IQCK: variants seen among roughly 807,000 people sequenced by gnomAD.
IQCK encodes IQ domain-containing protein K.
In IQCK, 29 loss-of-function variants were observed where a neutral mutation model predicts 28.1. The ratio of observed to expected loss-of-function variants is 1.03; its 90% CI spans 0.77 to 1.41. The LOEUF is 1.41. IQCK is among the 40% of genes most tolerant of loss of function. IQCK has a pLI of 0.00. For missense variants in IQCK, 359 were observed against 314.7 expected (o/e 1.14, Z -1.07); for synonymous variants, 113 against 115.1 (o/e 0.98, Z 0.12).
chr16:19,736,179 A>G (rs1978009389), intron 4 of IQCK: 1 of 455,430 alleles, frequency 2.2e-6, no homozygotes, highest in Admixed American at 2.4e-5. Flanking sequence ...GCTCGCAGAG[A>G]GTCTTGGAAC....
chr16:19,793,649 T>G (rs1180736427), intron 7 of IQCK, among the ~76,000 whole-genome samples: 53 of 115,144 alleles, frequency 4.6e-4, no homozygotes, highest in Non-Finnish European at 6.8e-4. Flanking sequence ...TTGGGTTTTT[T>G]TTTTTTTTTT....
chr16:19,845,565 A>G (rs959139512), intron 9 of IQCK, among the ~76,000 whole-genome samples: 4 of 152,226 alleles, frequency 2.6e-5, no homozygotes, highest in Non-Finnish European at 4.4e-5. Flanking sequence ...TGCAGCACTA[A>G]AACTCCAATC....
intron 1 of IQCK, among the ~76,000 whole-genome samples, chr16:19,729,765 T>C (rs8056030): frequency 0.35 from 50,812 of 146,374 alleles, 13,312 homozygotes; most frequent in African/African-American, 0.74. Flanking sequence ...CTGCCTCAGC[T>C]TCCCGAGTAG....
intron 7 of IQCK, among the ~76,000 whole-genome samples, chr16:19,798,448 C>T (rs2055717833): frequency 1.7e-5 from 2 of 114,842 alleles, no homozygotes; most frequent in Admixed American, 1.5e-4. Context: ...ATATATATTT[C>T]GGTCACTTAC....
chr16:19,741,639 G>A (rs2054836691), intron 4 of IQCK, among the ~76,000 whole-genome samples: 1 of 152,142 alleles, frequency 6.6e-6, no homozygotes, highest in African/African-American at 2.4e-5. Flanking sequence ...GAGCATTAAA[G>A]TTTAAATTGT....
intron 9 of IQCK, among the ~76,000 whole-genome samples, chr16:19,837,122 C>T (rs1004198751): frequency 8.5e-5 from 13 of 152,222 alleles, no homozygotes; most frequent in Non-Finnish European, 1.8e-4. Context: ...TATTGGCAGC[C>T]AGGTGCAGTC....
intron 9 of IQCK, among the ~76,000 whole-genome samples, chr16:19,851,189 C>T (rs1359829360): frequency 1.3e-5 from 2 of 152,158 alleles, no homozygotes; most frequent in African/African-American, 2.4e-5. Context: ...GACTGAGGCC[C>T]TCAGGAAACA....
At chr16:19,809,341 A>G (rs534448500) in intron 7 of IQCK, among the ~76,000 whole-genome samples, 3 of 152,250 alleles carry the variant, frequency 2.0e-5, no homozygotes, top group South Asian at 2.1e-4. Flanking sequence ...TACTGGTCTC[A>G]CCTAGACTCG....
intron 4 of IQCK, among the ~76,000 whole-genome samples, chr16:19,752,439 T>A (rs2054999034): frequency 6.6e-6 from 1 of 152,340 alleles, no homozygotes; most frequent in Non-Finnish European, 1.5e-5. Flanking sequence ...CTGGGGAGTA[T>A]TAAGTATGCA....
At chr16:19,844,346 TG>T (rs1162050814) in intron 9 of IQCK, among the ~76,000 whole-genome samples, 4 of 152,184 alleles carry the variant, frequency 2.6e-5, no homozygotes, top group Non-Finnish European at 5.9e-5. Flanking sequence ...CCCAAAGTGC[TG>T]GGATTACAGA....
chr16:19,825,389 G>A lies in IQCK; in HGVS notation c.691-1637G>A, dbSNP rs2056134588. On this transcript the variant is annotated intron_variant, in intron 7 of 7. Transcript: ENST00000564186. This position sits in a 1 kb window ranked among gnomAD's most constrained non-coding sequence, Gnocchi z 4.2. ...TACAAAATTAGCCAGGCCTGGTGGT[G>A]CACACCTGTATTCCCAGCTACTTGG... is the stretch of plus-strand genomic sequence containing the variant. 2.6e-5 allele frequency among the ~76,000 whole-genome samples: 4 copies of A among 152,148 alleles called. No homozygotes were observed. The highest frequency in any genetic ancestry group is 7.2e-5 in the African/African-American group (3 of 41,506).
At position 19,825,703 on chromosome 16, in the gene IQCK, C is replaced by T. The variant is rs1446380268; in HGVS notation, c.691-1323C>T. ...ATAAAATTTGTAAGATACTTCAAAC[C>T]ATGCCTGGGAGATAAATGCTCAATA... is the stretch of plus-strand genomic sequence containing the variant. On this transcript the variant is annotated intron_variant, in intron 7 of 7. Transcript: ENST00000564186. The surrounding 1 kb of genome is among the most constrained non-coding windows in gnomAD (Gnocchi z 4.2). Among the ~76,000 whole-genome samples, 4 of 152,070 alleles carry T rather than the reference C, an allele frequency of 2.6e-5. No individual in the cohort carries two copies. Among genetic ancestry groups the T allele is most frequent in the African/African-American group, 9.7e-5 (4 of 41,410 alleles).
chr16:19,748,534 GTCT>G (rs2054944233), intron 4 of IQCK, among the ~76,000 whole-genome samples: 1 of 152,184 alleles, frequency 6.6e-6, no homozygotes, highest in African/African-American at 2.4e-5. Context: ...ACTTAAGAGT[GTCT>G]GGCATATAGA....
At chr16:19,839,028 A>AG (rs1473349013) in intron 9 of IQCK, among the ~76,000 whole-genome samples, 2 of 151,292 alleles carry the variant, frequency 1.3e-5, no homozygotes, top group Non-Finnish European at 3.0e-5. Flanking sequence ...CAAAAAAAAA[A>AG]AAAAAAAAAA....
chr16:19,856,792 C>G (rs2056568173), exon 10 of IQCK: 1 of 487,988 alleles, frequency 2.0e-6, no homozygotes, highest in Non-Finnish European at 3.6e-6. Context: ...CAGATTACTT[C>G]TTCAGTGCCT....
intron 7 of IQCK, among the ~76,000 whole-genome samples, chr16:19,810,642 C>A (rs1442808744): frequency 6.6e-6 from 1 of 151,444 alleles, no homozygotes; most frequent in Non-Finnish European, 1.5e-5. Flanking sequence ...GCGAAACCCT[C>A]TACTAAAAAT....
At chr16:19,832,633 G>A (rs183019316) in intron 9 of IQCK, among the ~76,000 whole-genome samples, 1 of 152,098 alleles carries the variant, frequency 6.6e-6, no homozygotes, top group African/African-American at 2.4e-5. Context: ...TTCAAGGTGT[G>A]CAACATGATG....
intron 9 of IQCK, among the ~76,000 whole-genome samples, chr16:19,851,242 A>G (rs1181891974): frequency 6.6e-6 from 1 of 151,976 alleles, no homozygotes; most frequent in African/African-American, 2.4e-5. Flanking sequence ...CTCTTTCCCA[A>G]ACTTGCCAGA....
chr16:19,756,168 T>C (rs1008469290), intron 4 of IQCK, among the ~76,000 whole-genome samples: 1 of 151,914 alleles, frequency 6.6e-6, no homozygotes, highest in African/African-American at 2.4e-5. Flanking sequence ...TGGGTGATAG[T>C]GTCTCAATCA....
Sources: gnomAD v4.1 joint callset for allele counts (sites outside exome capture counted in the v4.1 genomes callset) on GRCh38, gnomAD v4.1.1 for gene constraint, Gnocchi (gnomAD v3.1) non-coding constraint, MANE v1.5 for transcripts, NCBI Gene and HGNC (gene_info 2026-07-23, HGNC 2026-07-21) for gene names.